Variants in BIRC6 observed in about 807,000 individuals in gnomAD.
BIRC6 encodes dual E2 ubiquitin-conjugating enzyme/E3 ubiquitin-protein ligase BIRC6.
Under a neutral mutation model 503.3 loss-of-function variants are expected in BIRC6, and 98 were observed. The ratio of observed to expected loss-of-function variants is 0.19; its 90% CI spans 0.17 to 0.23. BIRC6 has a LOEUF of 0.23. BIRC6 is among the 10% of genes least tolerant of loss of function. BIRC6 has a pLI of 1.00. For synonymous variants in BIRC6, 2,240 were observed against 2,078.7 expected (o/e 1.08, Z -2.11); for missense variants, 5,360 against 5,806.0 (o/e 0.92, Z 2.50).
intron 26 of BIRC6, among the ~76,000 whole-genome samples, chr2:32,466,701 T>C (rs1357962645): frequency 6.6e-6 from 1 of 152,270 alleles, no homozygotes; most frequent in Non-Finnish European, 1.5e-5. Flanking sequence ...ATTTGCTGAT[T>C]TAATTTTTTA....
chr2:32,393,624 A>T (rs1279950062), intron 5 of BIRC6, among the ~76,000 whole-genome samples: 20 of 152,156 alleles, frequency 1.3e-4, no homozygotes, highest in Admixed American at 1.2e-3. Flanking sequence ...CTTCCAAACA[A>T]TTCTCCCACC....
chr2:32,606,907 T>G (rs1035028665), intron 71 of BIRC6, among the ~76,000 whole-genome samples: 2 of 151,472 alleles, frequency 1.3e-5, no homozygotes, highest in Admixed American at 6.6e-5. Flanking sequence ...CTCGGGAGGC[T>G]GAGACAGGAG....
intron 59 of BIRC6, 139 bp downstream of exon 59, chr2:32,525,767 G>C: frequency 1.3e-6 from 1 of 775,388 alleles, no homozygotes. Context: ...CTTCCATACA[G>C]TTCCTCCGAA....
chr2:32,598,856 C>G (rs1265261770), intron 69 of BIRC6, among the ~76,000 whole-genome samples: 1 of 151,496 alleles, frequency 6.6e-6, no homozygotes, highest in Non-Finnish European at 1.5e-5. Context: ...AACCCCGTCT[C>G]TACTAAAAAT....
chr2:32,448,963 G>A, intron 22 of BIRC6, 35 bp downstream of exon 22: 7 of 1,584,508 alleles, frequency 4.4e-6, no homozygotes, highest in Non-Finnish European at 6.0e-6. Context: ...AATTCTGAAT[G>A]TTGTATCTTG....
intron 1 of BIRC6, among the ~76,000 whole-genome samples, chr2:32,367,546 G>T (rs972860848): frequency 1.3e-5 from 2 of 152,106 alleles, no homozygotes; most frequent in African/African-American, 4.8e-5. Flanking sequence ...ATTAGGCTGG[G>T]CATGATGGCT....
Position 32,524,875 on chromosome 2 carries a change from T to A in BIRC6, c.11624-13T>A. ...TGGAAAAGCAGTGTATTTTAGATAA[T>A]ATCTTCTTACAGATACTCCAAGTAT... On this transcript the variant is annotated splice_polypyrimidine_tract_variant and intron_variant, in intron 57 of 73. Transcript: ENST00000421745. 7.1e-7 allele frequency: 1 copy of A among 1,410,630 alleles called. No individual in the cohort carries two copies. Among genetic ancestry groups the A allele is most frequent in the Non-Finnish European group, 9.4e-7 (1 of 1,058,794 alleles). 87.4% of individuals were successfully genotyped at this position (1,410,630 alleles called of 1,614,324 possible).
chr2:32,597,911 G>C lies in BIRC6; in HGVS notation c.13773G>C (p.Leu4591=). The C allele has an allele frequency of 6.2e-7, 1 of 1,613,700 alleles. No homozygotes were observed. The highest frequency in any genetic ancestry group is 1.1e-5 in the South Asian group (1 of 91,080). The change falls in exon 69 of 74, where the codon CTG becomes CTC. Residue 4591 remains leucine (L), a synonymous_variant. Coordinates refer to ENST00000421745, the MANE Select transcript of BIRC6 (RefSeq NM_016252.4). The stretch of plus-strand genomic sequence containing the variant: ...TGACGCTTTCAACCTCACTGCCTCT[G>C]TCTTCATCCTCTAGTGTGTTTGTAC... ...EAVTLSTSLP[L]SSSSSVFVRC...
rs143471399 is a variant in BIRC6, at chr2:32,547,289, T to A, written c.12811-561T>A. Among the ~76,000 whole-genome samples, 26 of 152,320 alleles carry A rather than the reference T, an allele frequency of 1.7e-4. 1 individual carries two copies. The East Asian group carries it at 4.8e-3, about 28-fold the overall frequency. ...GGTGGTTTATCCCTTCTTTTCTTGATAAATATTTGAAAATTTGTATTTATT... is the reference window on the plus strand; with the variant it reads ...GGTGGTTTATCCCTTCTTTTCTTGAAAAATATTTGAAAATTTGTATTTATT... On this transcript the variant is annotated intron_variant, in intron 63 of 73. Transcript: ENST00000421745.
intron 57 of BIRC6, among the ~76,000 whole-genome samples, chr2:32,521,395 C>G (rs1314167347): frequency 1.4e-4 from 7 of 49,136 alleles, no homozygotes; most frequent in African/African-American, 4.6e-4. Context: ...AAAAAAAAAG[C>G]AAAGACAACA....
chr2:32,395,868 C>T (rs748967686), intron 6 of BIRC6, among the ~76,000 whole-genome samples: 4 of 152,154 alleles, frequency 2.6e-5, no homozygotes, highest in Non-Finnish European at 5.9e-5. Flanking sequence ...AAAGTGAACT[C>T]CAGCGTGAGC....
At chr2:32,457,149 A>G (rs1022853613) in intron 23 of BIRC6, among the ~76,000 whole-genome samples, 5 of 152,010 alleles carry the variant, frequency 3.3e-5, no homozygotes, top group African/African-American at 7.2e-5. Context: ...TTTGGCTGCT[A>G]TTTGTATGGT....
intron 33 of BIRC6, among the ~76,000 whole-genome samples, chr2:32,474,255 G>C (rs1030100238): frequency 1.3e-5 from 2 of 151,774 alleles, no homozygotes; most frequent in Non-Finnish European, 1.5e-5. Context: ...AAGTTTTTCA[G>C]CTATGAGCTA....
intron 3 of BIRC6, among the ~76,000 whole-genome samples, chr2:32,383,578 C>G (rs2038007863): frequency 1.3e-5 from 2 of 151,926 alleles, no homozygotes; most frequent in African/African-American, 4.8e-5. Flanking sequence ...ACTTTGTCAC[C>G]CAGGCTGGAG....
chr2:32,568,659 C>A (rs2059703827), intron 65 of BIRC6, among the ~76,000 whole-genome samples: 1 of 151,854 alleles, frequency 6.6e-6, no homozygotes, highest in South Asian at 2.1e-4. Context: ...GCCAAGCCAA[C>A]ATGGTGAAAC....
chr2:32,440,135 C>G (rs2045248747), intron 16 of BIRC6, among the ~76,000 whole-genome samples: 1 of 152,198 alleles, frequency 6.6e-6, no homozygotes, highest in Non-Finnish European at 1.5e-5. Context: ...ACCTTGGCCT[C>G]TCAAAGTGCT....
At chr2:32,426,207 T>C (rs1451492374) in intron 10 of BIRC6, among the ~76,000 whole-genome samples, 1 of 152,208 alleles carries the variant, frequency 6.6e-6, no homozygotes, top group Non-Finnish European at 1.5e-5. Context: ...GTTTAATTAA[T>C]AATACAATCT....
chr2:32,593,862 A>T (rs2061526115), intron 66 of BIRC6, 53 bp from the exon 67 acceptor site: 5 of 1,473,848 alleles, frequency 3.4e-6, no homozygotes, highest in Non-Finnish European at 4.7e-6. Context: ...GAGGTGTTTT[A>T]GTCCTAAAAT....
intron 65 of BIRC6, among the ~76,000 whole-genome samples, chr2:32,554,056 G>C (rs916059159): frequency 6.6e-5 from 10 of 152,074 alleles, no homozygotes; most frequent in African/African-American, 2.4e-4. Context: ...TGGAGATCCT[G>C]TTTCATTTTA....
Sources: allele counts gnomAD v4.1 joint callset (sites outside exome capture counted in the v4.1 genomes callset), GRCh38; gene constraint gnomAD v4.1.1; transcripts MANE v1.5; gene names NCBI Gene and HGNC (gene_info 2026-07-23, HGNC 2026-07-21).